The following BABAM2 variants were observed in gnomAD, a reference collection of about 807,000 sequenced individuals.
The protein encoded by BABAM2 is BRISC and BRCA1 A complex member 2, also known as BRISC and BRCA1-A complex member 2.
A neutral mutation model predicts 54.7 loss-of-function variants in BABAM2; 31 were observed. The ratio of observed to expected loss-of-function variants is 0.57; its 90% confidence interval spans 0.43 to 0.77. The LOEUF is 0.77. Ranked by LOEUF, BABAM2 falls within the 30% of genes least tolerant of loss-of-function variation. BABAM2 has a pLI of 0.00. For synonymous variants in BABAM2, 167 were observed against 162.9 expected (o/e 1.03, Z -0.19); for missense variants, 364 against 455.8 (o/e 0.80, Z 1.83).
intron 7 of BABAM2, among the ~76,000 whole-genome samples, chr2:28,135,840 C>T (rs1338816372): frequency 6.6e-6 from 1 of 152,136 alleles, no homozygotes; most frequent in Non-Finnish European, 1.5e-5. Flanking sequence ...CTAGTTCAGT[C>T]TTCCAGTTGC....
chr2:28,148,954 C>A (rs891792188), intron 7 of BABAM2, among the ~76,000 whole-genome samples: 4 of 152,120 alleles, frequency 2.6e-5, no homozygotes, highest in Non-Finnish European at 5.9e-5. Context: ...GCAGGAAAAG[C>A]CGACCAGCTC....
At chr2:28,231,854 C>A (rs1681432493) in intron 7 of BABAM2, among the ~76,000 whole-genome samples, 1 of 122,402 alleles carries the variant, frequency 8.2e-6, no homozygotes, top group Non-Finnish European at 1.6e-5. Flanking sequence ...GTCACCCAGG[C>A]TAGAGTGCAG....
At chr2:27,936,217 G>A (rs370574810) in intron 3 of BABAM2, among the ~76,000 whole-genome samples, 1 of 152,096 alleles carries the variant, frequency 6.6e-6, no homozygotes, top group East Asian at 1.9e-4. Flanking sequence ...ACCATGTCCG[G>A]CCGCAATACA....
intron 5 of BABAM2, among the ~76,000 whole-genome samples, chr2:28,039,767 A>G (rs1676926909): frequency 6.6e-6 from 1 of 152,246 alleles, no homozygotes. Context: ...TAAATTGCCA[A>G]AACTCAGAGT....
chr2:27,899,889 C>T (rs1029048175), intron 2 of BABAM2, among the ~76,000 whole-genome samples: 6 of 152,236 alleles, frequency 3.9e-5, no homozygotes, highest in African/African-American at 9.6e-5. Context: ...CCTCTACCCA[C>T]ATTCATAAAA....
At chr2:28,216,969 C>G (rs1423152109) in intron 7 of BABAM2, among the ~76,000 whole-genome samples, 6 of 152,190 alleles carry the variant, frequency 3.9e-5, no homozygotes, top group Non-Finnish European at 8.8e-5. Flanking sequence ...CATTTCTCCA[C>G]CTCTTTACAT....
At chr2:28,034,730 A>G (rs1372976342) in intron 5 of BABAM2, among the ~76,000 whole-genome samples, 2 of 152,208 alleles carry the variant, frequency 1.3e-5, no homozygotes, top group Admixed American at 6.5e-5. Flanking sequence ...AGGAAAGGCA[A>G]TAGGTTTAGA....
At chr2:28,305,235 C>CT (rs1014870605) in intron 11 of BABAM2, among the ~76,000 whole-genome samples, 3 of 151,794 alleles carry the variant, frequency 2.0e-5, no homozygotes, top group African/African-American at 7.3e-5. Flanking sequence ...TTCTTTTTTT[C>CT]TTTTTTTATC....
chr2:28,318,245 G>A (rs1303149436), intron 11 of BABAM2, among the ~76,000 whole-genome samples: 1 of 151,924 alleles, frequency 6.6e-6, no homozygotes, highest in Non-Finnish European at 1.5e-5. Context: ...ACAAGGAAGG[G>A]CTGGACTAGA....
intron 9 of BABAM2, among the ~76,000 whole-genome samples, chr2:28,242,593 A>AT (rs1682545610): frequency 6.6e-6 from 1 of 152,198 alleles, no homozygotes; most frequent in Non-Finnish European, 1.5e-5. Flanking sequence ...ATATATAAAT[A>AT]TATCTAGTAA....
chr2:28,188,652 G>T (rs1046124710), intron 7 of BABAM2, among the ~76,000 whole-genome samples: 2 of 152,080 alleles, frequency 1.3e-5, no homozygotes, highest in Non-Finnish European at 2.9e-5. Flanking sequence ...CCAACAACAG[G>T]CCTCGGGGCT....
intron 7 of BABAM2, among the ~76,000 whole-genome samples, chr2:28,177,706 CA>C (rs59807955): frequency 0.27 from 35,251 of 132,910 alleles, 4,611 homozygotes; most frequent in Middle Eastern, 0.34. Context: ...GCTGAATGGA[CA>C]AAAAAAAAAA....
intron 3 of BABAM2, among the ~76,000 whole-genome samples, chr2:27,966,063 G>GGTTTT (rs1465858861): frequency 6.6e-6 from 1 of 152,158 alleles, no homozygotes; most frequent in African/African-American, 2.4e-5. Flanking sequence ...CTCAGGTTCA[G>GGTTTT]GTTTTGTTTT....
rs973390328 is a variant in BABAM2 at position 28,298,601 on chromosome 2, T to C, written c.1088+110T>C. 2.2e-5 allele frequency: 30 copies of C among 1,334,710 alleles called. No individual in the cohort carries two copies. In the South Asian group the frequency reaches 2.5e-4, roughly 11 times the overall value. The allele number at this position is 1,334,710 out of a possible 1,614,324, so 82.7% of individuals were successfully genotyped here. ...AGTTCCTGCCCTGTGCATGTTTTTG[T>C]AAATAAAGTTTTATAGAAACACAGC... On this transcript the variant is annotated intron_variant, in intron 11 of 11. Transcript: ENST00000379624.
At chr2:28,128,881 T>C (rs1199413244) in intron 6 of BABAM2, among the ~76,000 whole-genome samples, 1 of 151,928 alleles carries the variant, frequency 6.6e-6, no homozygotes, top group Non-Finnish European at 1.5e-5. Context: ...AAGGTAGGTG[T>C]AAGAAAATTA....
At chr2:27,925,438 A>G (rs985446943) in intron 2 of BABAM2, among the ~76,000 whole-genome samples, 1 of 151,906 alleles carries the variant, frequency 6.6e-6, no homozygotes, top group Non-Finnish European at 1.5e-5. Context: ...CTTTTTTCAG[A>G]TCTAAAGTGG....
chr2:27,944,821 C>G (rs568456450), intron 3 of BABAM2, among the ~76,000 whole-genome samples: 2 of 152,124 alleles, frequency 1.3e-5, no homozygotes, highest in Non-Finnish European at 2.9e-5. Context: ...AGTAGTTGCA[C>G]TATTTTACAT....
At chr2:27,973,013 C>T (rs898986505) in intron 3 of BABAM2, among the ~76,000 whole-genome samples, 2 of 151,710 alleles carry the variant, frequency 1.3e-5, no homozygotes, top group Non-Finnish European at 2.9e-5. Context: ...GATGATCCGC[C>T]CGCCTCGGCC....
intron 3 of BABAM2, among the ~76,000 whole-genome samples, chr2:27,965,971 G>A (rs570348306): frequency 6.6e-6 from 1 of 151,864 alleles, no homozygotes; most frequent in Admixed American, 6.6e-5. Context: ...TGGGCCATTT[G>A]TTCTCTAGTT....
Sources: allele counts gnomAD v4.1 joint callset (sites outside exome capture counted in the v4.1 genomes callset), GRCh38; gene constraint gnomAD v4.1.1; transcripts MANE v1.5; gene names NCBI Gene and HGNC (gene_info 2026-07-23, HGNC 2026-07-21).